The following AFF2 variants were observed in gnomAD, a reference collection of about 807,000 sequenced individuals.
AFF2 encodes the protein ALF transcription elongation factor 2, also known as AF4/FMR2 family member 2.
A neutral mutation model predicts 76.9 loss-of-function variants in AFF2; 14 were observed. The observed-to-expected ratio is 0.18, with a 90% CI of 0.12 to 0.28. The LOEUF (loss-of-function observed/expected upper bound fraction) is 0.28, where lower values mean the gene tolerates loss of function less well. Ranked by LOEUF, AFF2 falls within the 10% of genes least tolerant of loss-of-function variation. The pLI is 1.00. For synonymous variants in AFF2, 398 were observed against 366.7 expected, an observed-to-expected ratio of 1.09 and a Z score of -0.98; for missense variants, 868 against 1,001.1, an observed-to-expected ratio of 0.87 and a Z score of 1.79.
intron 3 of AFF2, among the ~76,000 whole-genome samples, chrX:148,719,683 C>A (rs1299419605): frequency 8.9e-6 from 1 of 111,818 alleles, no homozygotes; most frequent in Non-Finnish European, 1.9e-5. Context: ...AACAAAACAG[C>A]CTATTTGTCT....
intron 1 of AFF2, among the ~76,000 whole-genome samples, chrX:148,507,222 C>G (rs914099454): frequency 8.9e-6 from 1 of 112,271 alleles, no homozygotes; most frequent in Non-Finnish European, 1.9e-5. Context: ...TTTCATGTCT[C>G]TTAGCCAGTC....
chrX:148,568,245 G>A (rs782564715), intron 1 of AFF2, among the ~76,000 whole-genome samples: 6 of 111,866 alleles, frequency 5.4e-5, no homozygotes, highest in Non-Finnish European at 1.1e-4. Flanking sequence ...CCCTGGTTGA[G>A]TCCTGACCAG....
rs782396698 is a variant in AFF2 at position 149,000,304 on chromosome X, G to T, written c.*8972G>T. 8.9e-6 allele frequency: 1 copy of T among 112,731 alleles called. No homozygotes were observed. Among genetic ancestry groups the T allele is most frequent in the South Asian group, 3.7e-4 (1 of 2,701 alleles). The allele number at this position is 112,731 out of a possible 1,213,427, so 9.3% of individuals were successfully genotyped here. On this transcript the variant is annotated 3_prime_UTR_variant, in exon 21 of 21. Transcript: ENST00000370460. Reference sequence around the variant, plus strand: ...GCATGCTCGTCTTGTCAGAATTTCAGTAAGTTCCAATTTCCTGTACAGACC... The same window carrying T: ...GCATGCTCGTCTTGTCAGAATTTCATTAAGTTCCAATTTCCTGTACAGACC...
intron 8 of AFF2, among the ~76,000 whole-genome samples, chrX:148,887,140 T>TA (rs1310153472): frequency 1.8e-5 from 2 of 112,903 alleles, no homozygotes; most frequent in Non-Finnish European, 3.7e-5. Context: ...CTTTGCAAGT[T>TA]TAGTGCTTTA....
At chrX:148,874,440 A>G (rs2071013140) in intron 7 of AFF2, among the ~76,000 whole-genome samples, 1 of 111,455 alleles carries the variant, frequency 9.0e-6, no homozygotes, top group African/African-American at 3.3e-5. Context: ...AGACGAAAAA[A>G]AAAAATGGCG....
rs782465654 is a variant in AFF2, at chrX:148,662,034, C to T, written c.307C>T (p.Pro103Ser). The T allele has an allele frequency of 3.3e-6, 4 of 1,210,353 alleles. No individual in the cohort carries two copies. The highest frequency in any genetic ancestry group is 4.5e-6 in the Non-Finnish European group (4 of 894,357). Residue 103 changes from proline to serine, a missense_variant, in exon 3 of 21, where the codon CCC becomes TCC. Pro to Ser is a moderately conservative substitution (Grantham distance 74). Transcript: ENST00000370460. ...HLVGIPKNSV[P>S]QNPNNKNEPS... ...AGTGGGAATTCCAAAGAATTCTGTG[C>T]CCCAGAATCCCAACAACAAAAATGA...
intron 1 of AFF2, among the ~76,000 whole-genome samples, chrX:148,636,433 G>A (rs2054031791): frequency 8.9e-6 from 1 of 112,061 alleles, no homozygotes; most frequent in Non-Finnish European, 1.9e-5. Flanking sequence ...CATTTTTGTT[G>A]TTGAGCACAC....
chrX:148,571,148 A>G (rs782676803), intron 1 of AFF2, among the ~76,000 whole-genome samples: 1 of 112,052 alleles, frequency 8.9e-6, no homozygotes, highest in Non-Finnish European at 1.9e-5. Flanking sequence ...TGTGGTATAG[A>G]TGAAGCATTA....
intron 3 of AFF2, among the ~76,000 whole-genome samples, chrX:148,680,214 C>T (rs782327631): frequency 8.9e-6 from 1 of 112,045 alleles, no homozygotes; most frequent in African/African-American, 3.2e-5. Context: ...TTGCCAATTC[C>T]AGTCATAATA....
intron 3 of AFF2, among the ~76,000 whole-genome samples, chrX:148,730,638 A>G (rs1226679880): frequency 2.7e-5 from 3 of 112,806 alleles, no homozygotes; most frequent in African/African-American, 9.6e-5. Flanking sequence ...GATCCGAACT[A>G]TGTTTTTCAG....
chrX:148,708,120 A>G (rs1490516592), intron 3 of AFF2, among the ~76,000 whole-genome samples: 1 of 112,005 alleles, frequency 8.9e-6, no homozygotes, highest in Non-Finnish European at 1.9e-5. Context: ...TTGTTTTTTA[A>G]TGCTTGCTCA....
intron 1 of AFF2, among the ~76,000 whole-genome samples, chrX:148,594,794 T>G (rs905814483): frequency 8.9e-6 from 1 of 111,926 alleles, no homozygotes; most frequent in Non-Finnish European, 1.9e-5. Context: ...GATCCCCAAT[T>G]CCTCTCCCTC....
At chrX:148,900,666 A>G (rs1210505138) in intron 8 of AFF2, among the ~76,000 whole-genome samples, 2 of 111,585 alleles carry the variant, frequency 1.8e-5, no homozygotes, top group African/African-American at 6.5e-5. Context: ...AGGAGGGGCT[A>G]CTAAAGGAGA....
At chrX:148,528,209 G>A (rs1472654307) in intron 1 of AFF2, among the ~76,000 whole-genome samples, 3 of 111,912 alleles carry the variant, frequency 2.7e-5, no homozygotes, top group Non-Finnish European at 5.6e-5. Context: ...TAAAACTTGA[G>A]GGATTTGTTA....
At chrX:148,831,876 G>T (rs1407162528) in intron 4 of AFF2, among the ~76,000 whole-genome samples, 1 of 111,670 alleles carries the variant, frequency 9.0e-6, no homozygotes, top group Non-Finnish European at 1.9e-5. Context: ...AACAAATTAG[G>T]TTTTTCTGGT....
intron 1 of AFF2, among the ~76,000 whole-genome samples, chrX:148,569,872 A>T (rs1300760119): frequency 1.8e-5 from 2 of 111,725 alleles, no homozygotes; most frequent in Non-Finnish European, 3.8e-5. Context: ...TGTTTCAGTG[A>T]TTTTTTCATA....
intron 3 of AFF2, among the ~76,000 whole-genome samples, chrX:148,687,309 A>G (rs1460411887): frequency 2.7e-5 from 3 of 112,115 alleles, no homozygotes; most frequent in Non-Finnish European, 3.8e-5. Flanking sequence ...CAATTTTGAG[A>G]TTTATTTCAA....
At chrX:148,904,188 A>G in intron 8 of AFF2, 33 bp from the exon 9 acceptor site, 1 of 967,185 alleles carries the variant, frequency 1.0e-6, no homozygotes, top group African/African-American at 1.9e-5. Context: ...GCCTGCTAAT[A>G]TTGTCTAATT....
intron 1 of AFF2, among the ~76,000 whole-genome samples, chrX:148,549,039 A>C (rs1210603700): frequency 1.8e-5 from 2 of 112,219 alleles, no homozygotes; most frequent in Non-Finnish European, 3.8e-5. Flanking sequence ...GGAACTTTAA[A>C]GGTCATCAGA....
Sources: allele counts gnomAD v4.1 joint callset (sites outside exome capture counted in the v4.1 genomes callset), GRCh38; gene constraint gnomAD v4.1.1; transcripts MANE v1.5; gene names NCBI Gene and HGNC (gene_info 2026-07-23, HGNC 2026-07-21).